UHRF2: variants seen among roughly 807,000 people sequenced by gnomAD.
UHRF2 encodes ubiquitin like with PHD and ring finger domains 2, also known as E3 ubiquitin-protein ligase UHRF2.
UHRF2 carries 23 observed loss-of-function variants against 96.8 expected under a neutral mutation model. That is an observed-to-expected ratio of 0.24 (90% CI 0.17 to 0.34). UHRF2 has a LOEUF of 0.34. Ranked by LOEUF, UHRF2 falls within the 10% of genes least tolerant of loss-of-function variation. The probability of loss-of-function intolerance (pLI) is 1.00; values close to 1 mark genes in which losing one functional copy is unlikely to be tolerated. For missense variants in UHRF2, 685 were observed against 981.5 expected (o/e 0.70, Z 4.04); for synonymous variants, 385 against 332.6 (o/e 1.16, Z -1.72).
intron 3 of UHRF2, among the ~76,000 whole-genome samples, chr9:6,457,842 C>G (rs1212321080): frequency 6.6e-6 from 1 of 152,108 alleles, no homozygotes; most frequent in Non-Finnish European, 1.5e-5. Context: ...GCCTTGCATC[C>G]CAGGGATGAA....
chr9:6,436,394 G>C (rs1234925601), intron 3 of UHRF2, among the ~76,000 whole-genome samples: 1 of 152,166 alleles, frequency 6.6e-6, no homozygotes, highest in Admixed American at 6.6e-5. Flanking sequence ...GGGGTAGAAA[G>C]GGGTTGAAGT....
At chr9:6,429,137 C>G (rs1485238360) in intron 2 of UHRF2, among the ~76,000 whole-genome samples, 1 of 151,698 alleles carries the variant, frequency 6.6e-6, no homozygotes, top group Admixed American at 6.6e-5. Flanking sequence ...TGCACTCCAG[C>G]CTGGGCAACA....
intron 3 of UHRF2, among the ~76,000 whole-genome samples, chr9:6,451,750 C>T (rs886280872): frequency 2.0e-5 from 3 of 150,588 alleles, no homozygotes; most frequent in Non-Finnish European, 4.4e-5. Context: ...GGATTACAGG[C>T]GTGAGCCACC....
At chr9:6,425,320 C>G (rs1443724443) in intron 2 of UHRF2, among the ~76,000 whole-genome samples, 1 of 152,124 alleles carries the variant, frequency 6.6e-6, no homozygotes, top group Non-Finnish European at 1.5e-5. Flanking sequence ...TTGACATACC[C>G]CCATTATTGT....
At chr9:6,415,101 G>A (rs1332634562) in intron 1 of UHRF2, 5 of 152,176 alleles carry the variant, frequency 3.3e-5, no homozygotes, top group African/African-American at 1.2e-4. Flanking sequence ...CTAGGACACT[G>A]GTGATTTCAG....
chr9:6,477,194 A>G (rs1362622768), intron 5 of UHRF2, among the ~76,000 whole-genome samples: 1 of 150,740 alleles, frequency 6.6e-6, no homozygotes, highest in Non-Finnish European at 1.5e-5. Flanking sequence ...GATTGGCACC[A>G]TTGCACTCCA....
intron 3 of UHRF2, among the ~76,000 whole-genome samples, chr9:6,442,898 C>G (rs184248460): frequency 1.8e-4 from 27 of 152,270 alleles, no homozygotes; most frequent in African/African-American, 6.5e-4. Flanking sequence ...TTAACATGTA[C>G]TGTCGGTCAG....
In UHRF2 at chr9:6,503,141, C is replaced by T. The variant is rs911440368; in HGVS notation, c.2164-1452C>T. On this transcript the variant is annotated intron_variant, in intron 14 of 15. Transcript: ENST00000276893. Reference sequence around the variant, plus strand: ...TCCCAAGTAGCTGGGATTGCAGGCACCCGCCACCACGCCCGGCTAATTTCT... The same window carrying T: ...TCCCAAGTAGCTGGGATTGCAGGCATCCGCCACCACGCCCGGCTAATTTCT... Among the ~76,000 whole-genome samples the T allele has an allele frequency of 9.9e-5, 15 of 152,042 alleles. No homozygotes were observed. The South Asian group carries it at 3.1e-3, about 32-fold the overall frequency.
chr9:6,460,488 T>C (rs1822472129), intron 3 of UHRF2, 85 bp from the exon 4 acceptor site: 8 of 1,152,530 alleles, frequency 6.9e-6, no homozygotes, highest in Middle Eastern at 3.0e-4. Context: ...GATGATTAAC[T>C]CAGCAAATTA....
At chr9:6,443,051 G>A (rs1333695646) in intron 3 of UHRF2, among the ~76,000 whole-genome samples, 3 of 152,162 alleles carry the variant, frequency 2.0e-5, no homozygotes, top group Non-Finnish European at 2.9e-5. Flanking sequence ...AAGAATAAAA[G>A]TAAGCTAGAA....
intron 13 of UHRF2, 66 bp downstream of exon 13, chr9:6,499,997 G>C: frequency 7.2e-6 from 9 of 1,258,260 alleles, no homozygotes; most frequent in African/African-American, 3.0e-5. Flanking sequence ...GTTGAGACGG[G>C]GTCTCACTCT....
chr9:6,476,505 C>T lies in UHRF2; in HGVS notation c.973+1005C>T, dbSNP rs139971005. Among the ~76,000 whole-genome samples, 55 of 152,210 alleles carry T rather than the reference C, an allele frequency of 3.6e-4. No homozygotes were observed. The East Asian group carries it at 8.3e-3, about 23-fold the overall frequency. ...AATGCAGCTGTACCTCTTCATTTAA[C>T]GGATTTTTCTTACTTGATATCAAAT... is the stretch of plus-strand genomic sequence containing the variant. On this transcript the variant is annotated intron_variant, in intron 5 of 15. Transcript: ENST00000276893.
chr9:6,418,547 C>G (rs1210089633), intron 1 of UHRF2, among the ~76,000 whole-genome samples: 3 of 152,088 alleles, frequency 2.0e-5, no homozygotes, highest in African/African-American at 4.8e-5. Context: ...GTTTTAAATT[C>G]AGGACATACT....
chr9:6,455,509 A>G (rs200150728), intron 3 of UHRF2, among the ~76,000 whole-genome samples: 2 of 152,146 alleles, frequency 1.3e-5, no homozygotes, highest in Non-Finnish European at 2.9e-5. Context: ...TGGTGTATAT[A>G]TGCCACATTT....
rs932365847 is a variant in UHRF2, at chr9:6,506,926, A to G, written c.*747A>G. On this transcript the variant is annotated 3_prime_UTR_variant, in exon 16 of 16. Coordinates refer to ENST00000276893, the MANE Select transcript of UHRF2 (RefSeq NM_152896.3). ...TTTAGTGTCTCACCAGTGGTTTTAC[A>G]TCTGCAGAGTTTTGAGGGCTGTGCT... The G allele has an allele frequency of 6.6e-6, 1 of 152,632 alleles. No homozygotes were observed. The highest frequency in any genetic ancestry group is 2.4e-5 in the African/African-American group (1 of 41,450). 9.5% of individuals were successfully genotyped at this position (152,632 alleles called of 1,614,324 possible). A position where few individuals can be genotyped will look rare whatever the true frequency, so the allele number is the denominator to read the frequency against.
Position 6,434,122 on chromosome 9 carries a change from CA to C in UHRF2, c.594del (p.Asp199ThrfsTer24). 1 of 1,614,110 alleles carries C rather than the reference CA, an allele frequency of 6.2e-7. No individual in the cohort carries two copies. The highest frequency in any genetic ancestry group is 8.5e-7 in the Non-Finnish European group (1 of 1,180,016). On this transcript the variant is annotated frameshift_variant, in exon 3 of 16. Coordinates refer to ENST00000276893, the MANE Select transcript of UHRF2 (RefSeq NM_152896.3). LOFTEE classifies it high-confidence loss of function. ...GACAGTGTACCCTCTACGTCTAATT[CA>C]GACTGTGTTGCTGCTGATGAAGACG... ...KLDSVPSTSN[S>X]DCVAADEDVI...
At position 6,460,593 on chromosome 9, in the gene UHRF2, T is replaced by C. The variant is rs1336229144; in HGVS notation, c.665T>C (p.Leu222Pro). 1.9e-6 allele frequency: 3 copies of C among 1,608,282 alleles called. No homozygotes were observed. The highest frequency in any genetic ancestry group is 1.7e-6 in the Non-Finnish European group (2 of 1,176,610). ...CTCAGATACCCAGAAAGCGGTACTC[T>C]AGAAATGAATGTCAAGGATCTTAGA... ...QYDEYPESGT[L>P]EMNVKDLRPR... The change falls in exon 4 of 16, where the codon CTA becomes CCA. Residue 222 changes from leucine (L) to proline (P), a missense_variant. Transcript: ENST00000276893.
chr9:6,452,100 A>G (rs1024966748), intron 3 of UHRF2, among the ~76,000 whole-genome samples: 1 of 151,980 alleles, frequency 6.6e-6, no homozygotes, highest in Non-Finnish European at 1.5e-5. Context: ...TTTTAAGTTC[A>G]TATATCCTGG....
At chr9:6,492,304 T>A in intron 9 of UHRF2, 8 of 1,254,546 alleles carry the variant, frequency 6.4e-6, no homozygotes, top group Non-Finnish European at 8.3e-6. Context: ...CTTGAAAAGT[T>A]GACAGAGTTA....
Sources: allele counts gnomAD v4.1 joint callset (sites outside exome capture counted in the v4.1 genomes callset), GRCh38; gene constraint gnomAD v4.1.1; transcripts MANE v1.5; gene names NCBI Gene and HGNC (gene_info 2026-07-23, HGNC 2026-07-21).